SDC4: variants seen among roughly 807,000 people sequenced by gnomAD.
SDC4 encodes the protein syndecan-4.
In SDC4, 17 loss-of-function variants were observed where a neutral mutation model predicts 20.5. The observed-to-expected ratio is 0.83, with a 90% CI of 0.57 to 1.25. The LOEUF is 1.25. Ranked by LOEUF, SDC4 falls within the 50% of genes most tolerant of loss-of-function variation. The pLI is 0.00. For missense variants in SDC4, 241 were observed against 252.3 expected, an observed-to-expected ratio of 0.96 and a Z score of 0.30; for synonymous variants, 107 against 105.3, an observed-to-expected ratio of 1.02 and a Z score of -0.10.
chr20:45,343,019 T>G (rs1987977396), intron 1 of SDC4, among the ~76,000 whole-genome samples: 1 of 152,138 alleles, frequency 6.6e-6, no homozygotes, highest in Non-Finnish European at 1.5e-5. Context: ...AGTGACGTAT[T>G]AACTGTGTGT....
chr20:45,335,728 A>G, intron 2 of SDC4, 54 bp downstream of exon 2: 1 of 1,579,304 alleles, frequency 6.3e-7, no homozygotes, highest in Admixed American at 1.7e-5. Context: ...TGGCTGGTGA[A>G]GCCACCACTC....
Position 45,328,540 on chromosome 20 carries a change from A to G in SDC4, c.446-1125T>C, listed in dbSNP as rs6032115. Among the ~76,000 whole-genome samples the G allele has an allele frequency of 6.2e-3, 951 of 152,264 alleles. 9 individuals carry two copies. The highest frequency in any genetic ancestry group is 0.022 in the African/African-American group (906 of 41,548). On this transcript the variant is annotated intron_variant, in intron 4 of 4. Transcript: ENST00000372733. The stretch of plus-strand genomic sequence containing the variant: ...GATACTTTCAGGCTCCGAGAGGAGA[A>G]CCTGCCTAGTGTTGGGCAGAGATGG...
intron 4 of SDC4, among the ~76,000 whole-genome samples, chr20:45,328,027 C>T (rs749954924): frequency 1.2e-4 from 18 of 152,232 alleles, no homozygotes; most frequent in Non-Finnish European, 2.6e-4. Context: ...CTAGCACTAA[C>T]TGAACCAGGA....
At chr20:45,347,987 C>G (rs944077051) in intron 1 of SDC4, among the ~76,000 whole-genome samples, 7 of 152,012 alleles carry the variant, frequency 4.6e-5, no homozygotes, top group Non-Finnish European at 8.8e-5. Flanking sequence ...ATTCAGCGCT[C>G]CAAGCCTGCC....
chr20:45,329,439 G>C (rs574348694), intron 4 of SDC4, among the ~76,000 whole-genome samples: 1 of 152,324 alleles, frequency 6.6e-6, no homozygotes, highest in East Asian at 1.9e-4. Context: ...TTTTACTTCT[G>C]AAAGAAAAGT....
At chr20:45,331,778 G>A (rs6094129) in intron 3 of SDC4, among the ~76,000 whole-genome samples, 265 of 151,880 alleles carry the variant, frequency 1.7e-3, no homozygotes, top group African/African-American at 5.8e-3. Flanking sequence ...AAAAGGGGAG[G>A]AGCCCCTAGT....
intron 3 of SDC4, among the ~76,000 whole-genome samples, chr20:45,331,762 G>A (rs1273091023): frequency 1.3e-5 from 2 of 152,146 alleles, no homozygotes; most frequent in Admixed American, 6.5e-5. Flanking sequence ...TACTCTATAT[G>A]GTCTAAAAAG....
chr20:45,344,503 G>A (rs762225755), intron 1 of SDC4, among the ~76,000 whole-genome samples: 5 of 152,156 alleles, frequency 3.3e-5, no homozygotes, highest in South Asian at 2.1e-4. Context: ...AATCACACTC[G>A]CCTGTCCAGT....
At position 45,327,963 on chromosome 20, in the gene SDC4, T is replaced by C. The variant is rs369366479; in HGVS notation, c.446-548A>G. On this transcript the variant is annotated intron_variant, in intron 4 of 4. Transcript: ENST00000372733. ...GCCACTATTTTAACCCACATCTGCC[T>C]GAATCTAAAGCCTAGGCTCTTTCCA... Among the ~76,000 whole-genome samples, 3 of 152,344 alleles carry C rather than the reference T, an allele frequency of 2.0e-5. No individual in the cohort carries two copies. The East Asian group carries it at 5.8e-4, about 29-fold the overall frequency.
chr20:45,340,482 C>A (rs550868690), intron 1 of SDC4, among the ~76,000 whole-genome samples: 6 of 152,214 alleles, frequency 3.9e-5, no homozygotes, highest in Non-Finnish European at 7.4e-5. Context: ...TCACTTCTCT[C>A]CAGCCTAACC....
intron 1 of SDC4, chr20:45,345,613 G>A (rs1199002846): frequency 6.6e-6 from 1 of 152,226 alleles, no homozygotes; most frequent in Admixed American, 6.5e-5. Flanking sequence ...GACCAGAAAT[G>A]TCCTTAAGCT....
At chr20:45,342,401 A>T (rs1987966330) in intron 1 of SDC4, among the ~76,000 whole-genome samples, 1 of 152,184 alleles carries the variant, frequency 6.6e-6, no homozygotes, top group South Asian at 2.1e-4. Context: ...CCACGCCCAG[A>T]GGCTAGAGTG....
At position 45,329,103 on chromosome 20, in the gene SDC4, T is replaced by TCATACAG. The variant is rs550817795; in HGVS notation, c.445+1256_445+1262dup. ...ACGGACTCAATCAGGGGCACAGGAA[T>TCATACAG]CATACAGCATACAGCAAGCATTTAA... On this transcript the variant is annotated intron_variant, in intron 4 of 4. Transcript: ENST00000372733. Among the ~76,000 whole-genome samples, 13 of 152,344 alleles carry TCATACAG rather than the reference T, an allele frequency of 8.5e-5. No individual in the cohort carries two copies. In the South Asian group the frequency reaches 2.5e-3, roughly 29 times the overall value.
intron 4 of SDC4, among the ~76,000 whole-genome samples, chr20:45,330,083 C>T (rs1600728620): frequency 6.6e-6 from 1 of 152,300 alleles, no homozygotes; most frequent in South Asian, 2.1e-4. Context: ...AGTGAAAGTC[C>T]TTTGCAAAAT....
intron 4 of SDC4, among the ~76,000 whole-genome samples, chr20:45,329,550 G>C (rs1210840679): frequency 6.6e-6 from 1 of 152,238 alleles, no homozygotes; most frequent in Admixed American, 6.5e-5. Context: ...ACAAGAGGCA[G>C]GTGAGACCTT....
At chr20:45,343,334 C>G (rs1600734432) in intron 1 of SDC4, among the ~76,000 whole-genome samples, 1 of 152,156 alleles carries the variant, frequency 6.6e-6, no homozygotes, top group Non-Finnish European at 1.5e-5. Context: ...TCCACCAACA[C>G]CCCACCCCTC....
At chr20:45,328,855 G>A (rs1323118906) in intron 4 of SDC4, among the ~76,000 whole-genome samples, 1 of 152,196 alleles carries the variant, frequency 6.6e-6, no homozygotes, top group Admixed American at 6.5e-5. Context: ...GCCAGAGCAA[G>A]CACATGGAAT....
chr20:45,328,000 G>A (rs1600727879), intron 4 of SDC4, among the ~76,000 whole-genome samples: 1 of 152,272 alleles, frequency 6.6e-6, no homozygotes, highest in East Asian at 1.9e-4. Context: ...ACACCACGCG[G>A]ACTCCCCTGC....
chr20:45,344,638 C>A (rs1403665887), intron 1 of SDC4, among the ~76,000 whole-genome samples: 5 of 152,220 alleles, frequency 3.3e-5, no homozygotes, highest in Non-Finnish European at 7.3e-5. Flanking sequence ...TGGAAAAGCC[C>A]TCTGTTTCTA....
Sources: allele counts gnomAD v4.1 joint callset (sites outside exome capture counted in the v4.1 genomes callset), GRCh38; gene constraint gnomAD v4.1.1; transcripts MANE v1.5; gene names NCBI Gene and HGNC (gene_info 2026-07-23, HGNC 2026-07-21).